Variants in MEGF6 observed in about 807,000 individuals in gnomAD.
MEGF6 encodes multiple EGF like domains 6.
Under a neutral mutation model 207.1 loss-of-function variants are expected in MEGF6, and 184 were observed. The observed-to-expected ratio is 0.89, with a 90% CI of 0.79 to 1.00. The LOEUF is 1.00. MEGF6 is among the 50% of genes least tolerant of loss of function. The pLI is 0.00. For synonymous variants in MEGF6, 1,038 were observed against 910.0 expected, an observed-to-expected ratio of 1.14 and a Z score of -2.53; for missense variants, 2,282 against 2,202.9, an observed-to-expected ratio of 1.04 and a Z score of -0.72.
intron 4 of MEGF6, among the ~76,000 whole-genome samples, chr1:3,553,105 C>T (rs1460687220): frequency 6.6e-6 from 1 of 152,152 alleles, no homozygotes; most frequent in Non-Finnish European, 1.5e-5. Flanking sequence ...CAGGGAGGCC[C>T]CAAGCTCCGC....
At position 3,528,583 on chromosome 1, in the gene MEGF6, T is replaced by C. The variant is rs192534390; in HGVS notation, c.482-4337A>G. On this transcript the variant is annotated intron_variant, in intron 4 of 36. Coordinates refer to ENST00000356575, the MANE Select transcript of MEGF6 (RefSeq NM_001409.4). Reference sequence around the variant, plus strand: ...GGGAGGTTATCCTGGCATATCCAGGTGGGCCCAACATGATCACAGGGTCCT... The same window carrying C: ...GGGAGGTTATCCTGGCATATCCAGGCGGGCCCAACATGATCACAGGGTCCT... Among the ~76,000 whole-genome samples, 29 of 152,198 alleles carry C rather than the reference T, an allele frequency of 1.9e-4. No individual in the cohort carries two copies. In the East Asian group the frequency reaches 5.2e-3, roughly 27 times the overall value.
intron 11 of MEGF6, 90 bp downstream of exon 11, chr1:3,509,780 T>G (rs1396502791): frequency 1.4e-6 from 2 of 1,426,816 alleles, no homozygotes; most frequent in East Asian, 2.6e-5. Flanking sequence ...CAGGTGGGGG[T>G]GGGGTGGGCC....
intron 3 of MEGF6, among the ~76,000 whole-genome samples, chr1:3,587,056 AC>A (rs1643903270): frequency 6.6e-6 from 1 of 152,238 alleles, no homozygotes. Flanking sequence ...TGTATATAGC[AC>A]CCTTGACATA....
At position 3,595,448 on chromosome 1, in the gene MEGF6, C is replaced by G. The variant is rs1360045369; in HGVS notation, c.267-1G>C. On this transcript the variant is annotated splice_acceptor_variant, in intron 2 of 36. Transcript: ENST00000356575. LOFTEE classifies it high-confidence loss of function. ...CCTGTAGCCCATGTAGTAGACGGTT[C>G]TAGAAAGAAAGAGAGAAGGGAAGTG... The G allele has an allele frequency of 6.2e-7, 1 of 1,611,654 alleles. No homozygotes were observed. Among genetic ancestry groups the G allele is most frequent in the Non-Finnish European group, 8.5e-7 (1 of 1,179,074 alleles).
At chr1:3,600,086 G>T (rs1380344523) in intron 2 of MEGF6, among the ~76,000 whole-genome samples, 1 of 152,158 alleles carries the variant, frequency 6.6e-6, no homozygotes, top group African/African-American at 2.4e-5. Context: ...AGCTGCCCCG[G>T]CCTGGGCTGC....
At chr1:3,622,426 G>A in the MEGF6 span, among the ~76,000 whole-genome samples, 7 of 152,272 alleles carry the variant, frequency 4.6e-5, no homozygotes, top group South Asian at 1.2e-3. Context: ...GTGAGTCAAT[G>A]AAACCTCTTT....
chr1:3,605,471 C>T (rs191100325), intron 1 of MEGF6, among the ~76,000 whole-genome samples: 4 of 151,658 alleles, frequency 2.6e-5, no homozygotes, highest in Non-Finnish European at 1.5e-5. Flanking sequence ...CTTACCTATA[C>T]ACACATATAC....
chr1:3,497,324 C>T lies in MEGF6; in HGVS notation c.3390G>A (p.Gln1130=), dbSNP rs1192432871. ...CAGCGCCAGGCGGGCAGCTGCAGCG[C>T]TGGGCACAGGCCTCTCCAAACCAGC... ...LRGWFGEACA[Q]RCSCPPGAAC... The change falls in exon 27 of 37, where the codon CAG becomes CAA. Residue 1130 remains glutamine, a synonymous_variant. Transcript: ENST00000356575. The T allele has an allele frequency of 1.9e-6, 3 of 1,553,944 alleles. No individual in the cohort carries two copies. The highest frequency in any genetic ancestry group is 1.4e-5 in the African/African-American group (1 of 72,260).
At position 3,496,524 on chromosome 1, in the gene MEGF6, G is replaced by A. The variant is rs543856015; in HGVS notation, c.3742+131C>T. On this transcript the variant is annotated intron_variant, in intron 29 of 36. Transcript: ENST00000356575. ...GCCCCTCTGGCTTAGCCCCACTTGG[G>A]GCCAGGCCCAGCCAGAGGGGGCTGA... 138 of 1,370,588 alleles carry A rather than the reference G, an allele frequency of 1.0e-4. No homozygotes were observed. The African/African-American group carries it at 1.1e-3, about 11-fold the overall frequency. 84.9% of individuals were successfully genotyped at this position (1,370,588 alleles called of 1,614,324 possible).
intron 4 of MEGF6, among the ~76,000 whole-genome samples, chr1:3,552,456 G>A (rs1270002475): frequency 1.3e-5 from 2 of 152,244 alleles, no homozygotes; most frequent in African/African-American, 4.8e-5. Flanking sequence ...CAGCACTCTG[G>A]GAGGCCCAGG....
chr1:3,593,171 G>A (rs927799168), intron 3 of MEGF6, among the ~76,000 whole-genome samples: 1 of 152,144 alleles, frequency 6.6e-6, no homozygotes, highest in Non-Finnish European at 1.5e-5. Flanking sequence ...TGATGGAGAT[G>A]GGCACACTCA....
At chr1:3,571,149 AG>A (rs935974657) in intron 4 of MEGF6, among the ~76,000 whole-genome samples, 2 of 152,056 alleles carry the variant, frequency 1.3e-5, no homozygotes, top group African/African-American at 2.4e-5. Context: ...CCATCCCACA[AG>A]GAGGGGACAG....
chr1:3,531,417 G>C, intron 4 of MEGF6: 1 of 1,134,114 alleles, frequency 8.8e-7, no homozygotes, highest in Non-Finnish European at 1.1e-6. Context: ...GCTCTGGGCC[G>C]GGCGCGCCCC....
intron 2 of MEGF6, among the ~76,000 whole-genome samples, chr1:3,599,595 G>A (rs1644126849): frequency 6.6e-6 from 1 of 152,254 alleles, no homozygotes; most frequent in African/African-American, 2.4e-5. Flanking sequence ...TGGGCAGGGT[G>A]CCTGCCGCCA....
At chr1:3,613,520 T>C (rs1297306636), upstream of MEGF6, among the ~76,000 whole-genome samples, 2 of 152,198 alleles carry the variant, frequency 1.3e-5, no homozygotes, top group Non-Finnish European at 2.9e-5. Flanking sequence ...CACCTGCTTC[T>C]CTGCTGAATT....
At chr1:3,595,570 C>T in intron 2 of MEGF6, 123 bp from the exon 3 acceptor site, 2 of 778,716 alleles carry the variant, frequency 2.6e-6, no homozygotes, top group Non-Finnish European at 4.2e-6. Flanking sequence ...GGCTGCAGCA[C>T]CAAGGTTCCT....
chr1:3,499,101 C>G (rs371408602), intron 24 of MEGF6, 37 bp downstream of exon 24: 3 of 1,593,512 alleles, frequency 1.9e-6, no homozygotes, highest in African/African-American at 1.3e-5. Context: ...TCGCTCAGGC[C>G]TGGACCCCGG....
At position 3,490,170 on chromosome 1, in the gene MEGF6, C is replaced by CCCTGTGCCTGCA. The variant is rs1640293751; in HGVS notation, c.*346_*357dup. On this transcript the variant is annotated 3_prime_UTR_variant, in exon 37 of 37. Coordinates refer to ENST00000356575, the MANE Select transcript of MEGF6 (RefSeq NM_001409.4). Reference sequence around the variant, plus strand: ...AAAAAGCCTGCCTGGAGGACAGTGGCCCTGTGCCTGCACCTGCGCCTGCAC... The same window carrying CCCTGTGCCTGCA: ...AAAAAGCCTGCCTGGAGGACAGTGGCCCTGTGCCTGCACCTGTGCCTGCACCTGCGCCTGCAC... The CCCTGTGCCTGCA allele has an allele frequency of 2.5e-5, 8 of 325,668 alleles. No homozygotes were observed. In the South Asian group the frequency reaches 3.3e-4, roughly 13 times the overall value. The allele number at this position is 325,668 out of a possible 1,614,324, so 20.2% of individuals were successfully genotyped here.
intron 4 of MEGF6, among the ~76,000 whole-genome samples, chr1:3,532,900 A>C (rs925208412): frequency 9.2e-5 from 14 of 152,206 alleles, no homozygotes; most frequent in African/African-American, 2.7e-4. Context: ...GGGGAGGGCT[A>C]CTGTCCCCAT....
Sources: gnomAD v4.1 joint callset for allele counts (sites outside exome capture counted in the v4.1 genomes callset) on GRCh38, gnomAD v4.1.1 for gene constraint, MANE v1.5 for transcripts, NCBI Gene and HGNC (gene_info 2026-07-23, HGNC 2026-07-21) for gene names.